Variants in MORC1 observed in about 807,000 individuals in gnomAD.
MORC1 encodes MORC family CW-type zinc finger protein 1.
A neutral mutation model predicts 134.9 loss-of-function variants in MORC1; 59 were observed. The observed-to-expected ratio is 0.44, with a 90% CI of 0.35 to 0.54. The LOEUF (loss-of-function observed/expected upper bound fraction) is 0.54, where lower values mean the gene tolerates loss of function less well. Ranked by LOEUF, MORC1 falls within the 20% of genes least tolerant of loss-of-function variation. The pLI, the probability that MORC1 is intolerant of heterozygous loss-of-function variation, is 0.00. For missense variants in MORC1, 947 were observed against 1,134.5 expected (o/e 0.83, Z 2.37); for synonymous variants, 395 against 391.7 (o/e 1.01, Z -0.10).
At chr3:109,027,079 G>T (rs1386976572) in intron 17 of MORC1, among the ~76,000 whole-genome samples, 2 of 152,172 alleles carry the variant, frequency 1.3e-5, no homozygotes, top group Admixed American at 1.3e-4. Flanking sequence ...ATCTATAGAA[G>T]TGTCCACACA....
At chr3:109,007,190 T>C (rs975132712) in intron 17 of MORC1, 99 bp from the exon 18 acceptor site, 6 of 856,894 alleles carry the variant, frequency 7.0e-6, no homozygotes, top group Non-Finnish European at 1.1e-5. Context: ...TAAAGAAGGG[T>C]CAAGATAGCA....
At chr3:108,978,159 G>A (rs1357612024) in intron 24 of MORC1, among the ~76,000 whole-genome samples, 2 of 152,218 alleles carry the variant, frequency 1.3e-5, no homozygotes, top group Non-Finnish European at 1.5e-5. Flanking sequence ...TTACAGGCAT[G>A]AGCCACTGCG....
chr3:109,108,881 C>T (rs1029573587), intron 3 of MORC1, among the ~76,000 whole-genome samples: 3 of 140,216 alleles, frequency 2.1e-5, no homozygotes, highest in South Asian at 2.4e-4. Context: ...GCCTGGGCGA[C>T]AGAGCGAGAC....
chr3:109,053,456 G>GA (rs1949877476), intron 14 of MORC1, among the ~76,000 whole-genome samples: 1 of 152,064 alleles, frequency 6.6e-6, no homozygotes, highest in Non-Finnish European at 1.5e-5. Flanking sequence ...AAAAAAGAAT[G>GA]AAATTGTGTC....
intron 17 of MORC1, among the ~76,000 whole-genome samples, chr3:109,008,384 G>A (rs942070563): frequency 1.3e-5 from 2 of 151,820 alleles, no homozygotes; most frequent in South Asian, 4.1e-4. Flanking sequence ...TAGTATATAC[G>A]ATTATTCCAA....
rs980769796 is a variant in MORC1, at chr3:108,958,412, G to T, written c.*553C>A. 6.6e-6 allele frequency: 1 copy of T among 151,842 alleles called. No individual in the cohort carries two copies. Among genetic ancestry groups the T allele is most frequent in the Non-Finnish European group, 1.5e-5 (1 of 67,922 alleles). 9.4% of individuals were successfully genotyped at this position (151,842 alleles called of 1,614,324 possible). On this transcript the variant is annotated 3_prime_UTR_variant, in exon 28 of 28. Transcript: ENST00000232603. ...ATATGTATACATATTATGCTTAGGA[G>T]ATTTATTCTTTTACTATGACTAAAT...
intron 7 of MORC1, among the ~76,000 whole-genome samples, chr3:109,093,964 TC>T: frequency 6.6e-6 from 1 of 152,218 alleles, no homozygotes; most frequent in Admixed American, 6.5e-5. Flanking sequence ...AATATTGTTT[TC>T]ATACACTATA....
intron 17 of MORC1, among the ~76,000 whole-genome samples, chr3:109,014,301 TA>T (rs1439862561): frequency 3.9e-5 from 6 of 152,334 alleles, no homozygotes; most frequent in Non-Finnish European, 5.9e-5. Flanking sequence ...AACTCCCAAT[TA>T]TTTGTTTTTA....
chr3:109,032,952 T>C (rs1232144532), intron 15 of MORC1, 127 bp from the exon 16 acceptor site: 2 of 686,512 alleles, frequency 2.9e-6, no homozygotes, highest in Non-Finnish European at 5.1e-6. Flanking sequence ...TCCTTCATCA[T>C]ATACCATTAT....
chr3:109,040,386 G>GAAAGAAAGAAAGAAAT (rs1949484391), intron 14 of MORC1, among the ~76,000 whole-genome samples: 1 of 85,022 alleles, frequency 1.2e-5, no homozygotes, highest in African/African-American at 4.2e-5. Context: ...AAGAAAGAAA[G>GAAAGAAAGAAAGAAAT]AAAGAAAGAA....
chr3:109,057,788 A>C (rs555161571), intron 12 of MORC1, among the ~76,000 whole-genome samples: 18 of 152,348 alleles, frequency 1.2e-4, no homozygotes, highest in African/African-American at 4.1e-4. Context: ...GTATAGGTAC[A>C]TTGCAGCATT....
chr3:108,976,081 T>C (rs1279571332), intron 24 of MORC1, among the ~76,000 whole-genome samples: 1 of 152,104 alleles, frequency 6.6e-6, no homozygotes, highest in African/African-American at 2.4e-5. Flanking sequence ...AACAAACTAA[T>C]ACACAAAAAG....
chr3:109,040,484 GAAAGGAAAGA>G (rs1949509246), intron 14 of MORC1, among the ~76,000 whole-genome samples: 1 of 145,838 alleles, frequency 6.9e-6, no homozygotes. Flanking sequence ...AAGAAAGAAA[GAAAGGAAAGA>G]AAAGAAAGGA....
At chr3:109,030,822 T>C (rs1019568994) in intron 16 of MORC1, among the ~76,000 whole-genome samples, 4 of 152,178 alleles carry the variant, frequency 2.6e-5, no homozygotes, top group African/African-American at 9.7e-5. Context: ...ATACATTTTA[T>C]AACTAAAAGT....
At chr3:109,094,056 A>G (rs1330979768) in intron 7 of MORC1, among the ~76,000 whole-genome samples, 1 of 152,204 alleles carries the variant, frequency 6.6e-6, no homozygotes, top group Non-Finnish European at 1.5e-5. Context: ...CTCTGTTGCA[A>G]CTATTCACAA....
rs905375829 is a variant in MORC1 at position 109,029,418 on chromosome 3, C to G, written c.1566-1529G>C. Reference sequence around the variant, plus strand: ...TCAAGCATTTTATTAGAATGCAATTCATTCAACTGTCTTCATTTAAAGATG... The same window carrying G: ...TCAAGCATTTTATTAGAATGCAATTGATTCAACTGTCTTCATTTAAAGATG... On this transcript the variant is annotated intron_variant, in intron 16 of 27. Transcript: ENST00000232603. Among the ~76,000 whole-genome samples, 3 of 152,188 alleles carry G rather than the reference C, an allele frequency of 2.0e-5. No individual in the cohort carries two copies. The East Asian group carries it at 5.8e-4, about 29-fold the overall frequency.
At chr3:108,976,671 A>G (rs531441647) in intron 24 of MORC1, among the ~76,000 whole-genome samples, 1 of 152,304 alleles carries the variant, frequency 6.6e-6, no homozygotes, top group South Asian at 2.1e-4. Context: ...TTATCATAGA[A>G]TATTTTTAAT....
At chr3:109,044,205 T>G (rs1175641805) in intron 14 of MORC1, among the ~76,000 whole-genome samples, 1 of 152,184 alleles carries the variant, frequency 6.6e-6, no homozygotes, top group East Asian at 1.9e-4. Context: ...ATGGAATACT[T>G]TATTCAGTAG....
At chr3:108,976,069 T>C (rs1251553306) in intron 24 of MORC1, among the ~76,000 whole-genome samples, 1 of 152,118 alleles carries the variant, frequency 6.6e-6, no homozygotes, top group Non-Finnish European at 1.5e-5. Context: ...ATTTGGGAAG[T>C]CAACAAACTA....
Sources: gnomAD v4.1 joint callset for allele counts (sites outside exome capture counted in the v4.1 genomes callset) on GRCh38, gnomAD v4.1.1 for gene constraint, MANE v1.5 for transcripts, NCBI Gene and HGNC (gene_info 2026-07-23, HGNC 2026-07-21) for gene names.